The following NFRKB variants were observed in gnomAD, a reference collection of about 807,000 sequenced individuals.
NFRKB encodes nuclear factor related to kappa-B-binding protein.
A neutral mutation model predicts 135.7 loss-of-function variants in NFRKB; 62 were observed. That is an observed-to-expected ratio of 0.46 (90% confidence interval 0.37 to 0.56). The LOEUF is 0.56. NFRKB is among the 20% of genes least tolerant of loss of function. The probability of loss-of-function intolerance (pLI) is 0.00; values close to 1 mark genes in which losing one functional copy is unlikely to be tolerated. For missense variants in NFRKB, 1,545 were observed against 1,662.0 expected (o/e 0.93, Z 1.22); for synonymous variants, 678 against 635.6 (o/e 1.07, Z -1.00).
intron 7 of NFRKB, 145 bp downstream of exon 7, chr11:129,884,600 A>C: frequency 1.1e-6 from 1 of 937,944 alleles, no homozygotes; most frequent in South Asian, 1.7e-5. Context: ...ATGGTACAAA[A>C]ACTTTGCCAA....
At position 129,873,846 on chromosome 11, in the gene NFRKB, G is replaced by C. The variant is rs768491344; in HGVS notation, c.2449C>G (p.Pro817Ala). Residue 817 changes from proline (P) to alanine (A), a missense_variant, in exon 22 of 27, where the codon CCC becomes GCC. Around this residue, in one of 3 missense-constraint regions of NFRKB, gnomAD observed 753 missense variants for 804.3 expected, o/e 0.94. Transcript: ENST00000682444. ...TGTGCCGGCCCTCCCGACTGCTGGGGAACAGCAGGAAGGCTAGGCTGGGCC... is the reference window on the plus strand; with the variant it reads ...TGTGCCGGCCCTCCCGACTGCTGGGCAACAGCAGGAAGGCTAGGCTGGGCC... Reference protein sequence around the residue: ...VVAQPSLPAVPQQSGGPAQTL... With the variant: ...VVAQPSLPAVAQQSGGPAQTL... 1.9e-6 allele frequency: 3 copies of C among 1,614,070 alleles called. No individual in the cohort carries two copies. Among genetic ancestry groups the C allele is most frequent in the Admixed American group, 1.7e-5 (1 of 60,002 alleles).
At chr11:129,883,252 C>A (rs774513489) in intron 8 of NFRKB, 46 bp from the exon 9 acceptor site, 1 of 1,518,490 alleles carries the variant, frequency 6.6e-7, no homozygotes, top group South Asian at 1.2e-5. Flanking sequence ...CAAAAAGGAG[C>A]AAAAACTGAG....
chr11:129,888,051 A>G lies in NFRKB; in HGVS notation c.337+543T>C, dbSNP rs1275368713. On this transcript the variant is annotated intron_variant, in intron 4 of 26. Transcript: ENST00000682444. ...GACTCTGTCCCAAAGAAAAGAAAAG[A>G]AAATTTGAACATGAAATAGCCTATG... 2.0e-5 allele frequency among the ~76,000 whole-genome samples: 3 copies of G among 152,202 alleles called. No homozygotes were observed. The East Asian group carries it at 5.8e-4, about 29-fold the overall frequency.
At chr11:129,888,524 G>C (rs982379814) in intron 4 of NFRKB, 70 bp downstream of exon 4, 2 of 1,383,956 alleles carry the variant, frequency 1.4e-6, no homozygotes, top group East Asian at 2.3e-5. Context: ...AGGAAGAAAG[G>C]AATACCCACA....
chr11:129,877,456 G>A, intron 15 of NFRKB, 71 bp from the exon 16 acceptor site: 1 of 1,368,480 alleles, frequency 7.3e-7, no homozygotes, highest in Non-Finnish European at 1.0e-6. Context: ...CCCTGCTTCA[G>A]AACCATTCCC....
At position 129,864,516 on chromosome 11, in the gene NFRKB, T is replaced by C. The variant is rs1565381808; in HGVS notation, c.*209A>G. 3 of 592,916 alleles carry C rather than the reference T, an allele frequency of 5.1e-6. No individual in the cohort carries two copies. The highest frequency in any genetic ancestry group is 4.2e-5 in the South Asian group (2 of 47,380). The allele number at this position is 592,916 out of a possible 1,614,324, so 36.7% of individuals were successfully genotyped here. ...CTCCTAGATTGGTAGAGAGCAGACC[T>C]TGGAACCCTGGAGTGAACCTTTCTC... On this transcript the variant is annotated 3_prime_UTR_variant, in exon 27 of 27. Transcript: ENST00000682444.
intron 16 of NFRKB, 86 bp downstream of exon 16, chr11:129,877,239 A>C (rs997681402): frequency 3.0e-6 from 4 of 1,326,098 alleles, no homozygotes; most frequent in Middle Eastern, 1.8e-4. Context: ...TTCTTGCAAG[A>C]AGGTAGATGC....
Position 129,872,939 on chromosome 11 carries a change from C to G in NFRKB, c.2708G>C (p.Ser903Thr). 1 of 1,614,040 alleles carries G rather than the reference C, an allele frequency of 6.2e-7. No homozygotes were observed. The highest frequency in any genetic ancestry group is 2.2e-5 in the East Asian group (1 of 44,862). The change falls in exon 23 of 27, where the codon AGT becomes ACT. Residue 903 changes from serine to threonine, a missense_variant. Coordinates refer to ENST00000682444, the MANE Select transcript of NFRKB (RefSeq NM_001143835.2). ...ATSSPGTSAP[S>T]ASTAAVIQNV... ...TTGAATGACGGCAGCCGTGGAGGCA[C>G]TGGGAGCAGAGGTCCCAGGAGAACT...
At chr11:129,882,717 G>C in intron 9 of NFRKB, 86 bp from the exon 10 acceptor site, 1 of 1,348,904 alleles carries the variant, frequency 7.4e-7, no homozygotes, top group Non-Finnish European at 1.0e-6. Context: ...CTTTTCCCAA[G>C]GCCCACCAAA....
chr11:129,876,450 C>A (rs1948769158), intron 17 of NFRKB, among the ~76,000 whole-genome samples: 1 of 152,154 alleles, frequency 6.6e-6, no homozygotes, highest in East Asian at 1.9e-4. Flanking sequence ...GAAGCATAGC[C>A]TGGAGAAAGC....
Position 129,884,810 on chromosome 11 carries a change from G to A in NFRKB, c.677C>T (p.Ser226Phe), listed in dbSNP as rs1203885893. The change falls in exon 7 of 27, where the codon TCT becomes TTT. Residue 226 changes from serine (S) to phenylalanine (F), a missense_variant. Ser to Phe is a radical substitution (Grantham distance 155). This residue lies in a region of NFRKB where 678 missense variants were observed against 646.7 expected (regional missense o/e 1.05). Coordinates refer to ENST00000682444, the MANE Select transcript of NFRKB (RefSeq NM_001143835.2). ...CCGCAGGGGCACCGCAGGACTAGGA[G>A]AACGTGCTGGAGAGCTCGGAAGCCA... Reference protein sequence around the residue: ...SSWLPSSPARSPSPAVPLRVV... With the variant: ...SSWLPSSPARFPSPAVPLRVV... 13 of 1,614,220 alleles carry A rather than the reference G, an allele frequency of 8.1e-6. No homozygotes were observed. Among genetic ancestry groups the A allele is most frequent in the South Asian group, 1.1e-5 (1 of 91,086 alleles).
chr11:129,877,786 T>C (rs11221888), intron 15 of NFRKB, among the ~76,000 whole-genome samples: 50,424 of 151,792 alleles, frequency 0.33, 9,614 homozygotes, highest in East Asian at 0.47. Flanking sequence ...TCTACACCTC[T>C]ATTACATGAA....
intron 23 of NFRKB, among the ~76,000 whole-genome samples, chr11:129,872,383 T>C (rs1306157572): frequency 6.6e-6 from 1 of 152,176 alleles, no homozygotes; most frequent in African/African-American, 2.4e-5. Context: ...TAAGAGTGCC[T>C]ACCCCACAGA....
At chr11:129,878,610 C>T in intron 13 of NFRKB, 67 bp from the exon 14 acceptor site, 9 of 1,275,932 alleles carry the variant, frequency 7.1e-6, no homozygotes, top group Non-Finnish European at 9.0e-6. Context: ...CCTGCTTTCT[C>T]TTTACTAGCT....
At chr11:129,878,808 C>T (rs1449635129) in intron 13 of NFRKB, among the ~76,000 whole-genome samples, 6 of 152,330 alleles carry the variant, frequency 3.9e-5, no homozygotes, top group Middle Eastern at 3.4e-3. Flanking sequence ...TAAGGTTACT[C>T]GGTGAATTCA....
chr11:129,881,416 T>C (rs1949020685), intron 13 of NFRKB, 27 bp downstream of exon 13: 1 of 1,609,706 alleles, frequency 6.2e-7, no homozygotes, highest in Non-Finnish European at 8.5e-7. Flanking sequence ...CGAAAACCTG[T>C]TGGGGTAGGT....
In NFRKB at chr11:129,890,029, GT is replaced by G. The variant is rs371082832; in HGVS notation, c.136-1235del. On this transcript the variant is annotated intron_variant, in intron 3 of 26. Coordinates refer to ENST00000682444, the MANE Select transcript of NFRKB (RefSeq NM_001143835.2). ...TGTGTGATACTTTTTGGGTTTTTTT[GT>G]TTTTTTTTTTTGTTTTTTTAGAGTT... 7.7e-3 allele frequency among the ~76,000 whole-genome samples: 1,035 copies of G among 134,208 alleles called. 15 individuals are homozygous for G. Among genetic ancestry groups the G allele is most frequent in the African/African-American group, 0.027 (962 of 35,602 alleles). 88.0% of individuals were successfully genotyped at this position (134,208 alleles called of 152,430 possible).
chr11:129,885,973 A>G (rs1472019922), intron 5 of NFRKB, among the ~76,000 whole-genome samples: 1 of 152,204 alleles, frequency 6.6e-6, no homozygotes, highest in Non-Finnish European at 1.5e-5. Context: ...CATCCATCAC[A>G]GCATTCAGAG....
At position 129,870,059 on chromosome 11, in the gene NFRKB, T is replaced by C. The variant is rs766049088; in HGVS notation, c.2966A>G (p.Lys989Arg). 2.5e-6 allele frequency: 4 copies of C among 1,614,252 alleles called. No individual in the cohort carries two copies. The highest frequency in any genetic ancestry group is 1.1e-5 in the South Asian group (1 of 91,088). ...TLAKSQVTTVKLTQDLFGTGG... is the reference protein window; with the variant it reads ...TLAKSQVTTVRLTQDLFGTGG... Reference sequence around the variant, plus strand: ...TGTCCCGAAGAGGTCCTGGGTCAATTTGACTGTGGTAACCTGGGACTTGGC... The same window carrying C: ...TGTCCCGAAGAGGTCCTGGGTCAATCTGACTGTGGTAACCTGGGACTTGGC... The change falls in exon 24 of 27, where the codon AAA becomes AGA. Residue 989 changes from lysine (K) to arginine (R), a missense_variant. Lys to Arg is a conservative substitution (Grantham distance 26). This residue lies in a region of NFRKB where 753 missense variants were observed against 804.3 expected (regional missense o/e 0.94). Transcript: ENST00000682444.
Sources: allele counts gnomAD v4.1 joint callset (sites outside exome capture counted in the v4.1 genomes callset), GRCh38; gene constraint gnomAD v4.1.1; regional missense constraint gnomAD v4.1.1; transcripts MANE v1.5; gene names NCBI Gene and HGNC (gene_info 2026-07-23, HGNC 2026-07-21).